Variants in FOXP2 observed in about 807,000 individuals in gnomAD.
FOXP2 encodes the protein forkhead box P2.
Under a neutral mutation model 115.8 loss-of-function variants are expected in FOXP2, and 12 were observed. That is an observed-to-expected ratio of 0.10 (90% CI 0.07 to 0.17). FOXP2 has a LOEUF of 0.17. Ranked by LOEUF, FOXP2 falls within the 10% of genes least tolerant of loss-of-function variation. The pLI is 1.00. For synonymous variants in FOXP2, 328 were observed against 297.7 expected (o/e 1.10, Z -1.05); for missense variants, 629 against 843.5 (o/e 0.75, Z 3.15).
intron 6 of FOXP2, among the ~76,000 whole-genome samples, chr7:114,633,594 CAA>C (rs1805040948): frequency 6.6e-6 from 1 of 152,116 alleles, no homozygotes; most frequent in African/African-American, 2.4e-5. Flanking sequence ...GTTCACCGAT[CAA>C]AGTTTGTGTT....
chr7:114,483,335 A>G (rs924126163), intron 2 of FOXP2, among the ~76,000 whole-genome samples: 1 of 151,576 alleles, frequency 6.6e-6, no homozygotes, highest in Admixed American at 6.6e-5. Context: ...CCTACTCTTC[A>G]ATCTTGCATA....
intron 1 of FOXP2, among the ~76,000 whole-genome samples, chr7:114,236,880 G>A (rs1313166781): frequency 3.3e-5 from 5 of 152,116 alleles, no homozygotes; most frequent in Non-Finnish European, 5.9e-5. Flanking sequence ...GGGAGGGTGA[G>A]GCAGGAGAAT....
chr7:114,354,552 C>T (rs1292808875), intron 2 of FOXP2, among the ~76,000 whole-genome samples: 1 of 152,088 alleles, frequency 6.6e-6, no homozygotes, highest in Non-Finnish European at 1.5e-5. Context: ...CCTCCCTTCA[C>T]CCAGACTGTC....
At chr7:114,623,465 G>A (rs1474945390) in intron 3 of FOXP2, among the ~76,000 whole-genome samples, 1 of 151,890 alleles carries the variant, frequency 6.6e-6, no homozygotes, top group Non-Finnish European at 1.5e-5. Flanking sequence ...GCATGTCAAG[G>A]CCTAAACCAA....
At chr7:114,326,479 A>G (rs1378403079) in intron 2 of FOXP2, among the ~76,000 whole-genome samples, 1 of 152,176 alleles carries the variant, frequency 6.6e-6, no homozygotes, top group Non-Finnish European at 1.5e-5. Context: ...CATGATTAGG[A>G]ATGTAAAGCC....
At chr7:114,253,390 G>A (rs1396025170) in intron 1 of FOXP2, among the ~76,000 whole-genome samples, 1 of 152,018 alleles carries the variant, frequency 6.6e-6, no homozygotes, top group Non-Finnish European at 1.5e-5. Flanking sequence ...TTGACAGTGG[G>A]GCGTTAAAGT....
chr7:114,305,414 G>A (rs1280707184), intron 2 of FOXP2, among the ~76,000 whole-genome samples: 2 of 152,072 alleles, frequency 1.3e-5, no homozygotes, highest in East Asian at 3.9e-4. Context: ...TTAAATTATA[G>A]TGTTAATCAG....
intron 2 of FOXP2, among the ~76,000 whole-genome samples, chr7:114,372,722 G>GT (rs1169419591): frequency 2.0e-5 from 3 of 151,552 alleles, no homozygotes; most frequent in Admixed American, 6.6e-5. Flanking sequence ...TTTTTTTTTG[G>GT]TTTTTTTGTT....
At chr7:114,551,627 A>G (rs540991614) in intron 3 of FOXP2, among the ~76,000 whole-genome samples, 11 of 152,222 alleles carry the variant, frequency 7.2e-5, no homozygotes, top group Non-Finnish European at 1.5e-4. Context: ...TGAGGTAAGT[A>G]ATATGATTAG....
At chr7:114,214,324 T>C (rs917780369) in intron 1 of FOXP2, among the ~76,000 whole-genome samples, 1 of 152,138 alleles carries the variant, frequency 6.6e-6, no homozygotes, top group Non-Finnish European at 1.5e-5. Context: ...AGTGGACACA[T>C]TTTTATCCCT....
chr7:114,087,785 T>C (rs1378559872), exon 1 of FOXP2: 1 of 151,990 alleles, frequency 6.6e-6, no homozygotes, highest in Admixed American at 6.6e-5. Context: ...GGGGCCTCTC[T>C]AGAGCAGGGA....
intron 3 of FOXP2, among the ~76,000 whole-genome samples, chr7:114,590,247 T>C (rs1802377299): frequency 6.6e-6 from 1 of 152,188 alleles, no homozygotes; most frequent in Non-Finnish European, 1.5e-5. Context: ...GAGTTACTTT[T>C]TCCTTCTCTA....
chr7:114,393,321 T>A (rs534993458), intron 2 of FOXP2, among the ~76,000 whole-genome samples: 10 of 151,550 alleles, frequency 6.6e-5, no homozygotes, highest in Non-Finnish European at 8.8e-5. Flanking sequence ...AGCAGTTTAG[T>A]CTTACAGCCA....
At chr7:114,316,896 C>T (rs776857271) in intron 2 of FOXP2, among the ~76,000 whole-genome samples, 6 of 151,906 alleles carry the variant, frequency 3.9e-5, no homozygotes, top group Non-Finnish European at 8.8e-5. Context: ...GATATAAACA[C>T]GATTTTGTTA....
At chr7:114,340,853 C>T (rs949882671) in intron 2 of FOXP2, among the ~76,000 whole-genome samples, 6 of 150,928 alleles carry the variant, frequency 4.0e-5, no homozygotes, top group East Asian at 3.9e-4. Context: ...TTCAAGGATC[C>T]CTTAAACATT....
At chr7:114,384,342 T>C (rs1383770871) in intron 2 of FOXP2, among the ~76,000 whole-genome samples, 2 of 152,204 alleles carry the variant, frequency 1.3e-5, no homozygotes, top group East Asian at 1.9e-4. Context: ...CAAATTCATT[T>C]CAGAGAGGGT....
chr7:114,125,395 A>T (rs1215407329), intron 1 of FOXP2, among the ~76,000 whole-genome samples: 1 of 152,144 alleles, frequency 6.6e-6, no homozygotes, highest in Non-Finnish European at 1.5e-5. Flanking sequence ...ATATTATTCC[A>T]TCCCTTTAAA....
At chr7:114,292,816 A>G (rs893233463) in intron 2 of FOXP2, among the ~76,000 whole-genome samples, 1 of 152,180 alleles carries the variant, frequency 6.6e-6, no homozygotes, top group African/African-American at 2.4e-5. Context: ...GTTGCATATA[A>G]TAGTATCTTT....
chr7:114,086,402 G>T (rs895339834), upstream of FOXP2: 10 of 350,086 alleles, frequency 2.9e-5, no homozygotes, highest in African/African-American at 1.6e-4. Context: ...CGCGCCACCC[G>T]CAGCCCGCCC....
Sources: gnomAD v4.1 joint callset for allele counts (sites outside exome capture counted in the v4.1 genomes callset) on GRCh38, gnomAD v4.1.1 for gene constraint, MANE v1.5 for transcripts, NCBI Gene and HGNC (gene_info 2026-07-23, HGNC 2026-07-21) for gene names.